LGSN: variants seen among roughly 807,000 people sequenced by gnomAD.
LGSN encodes the protein lengsin.
A neutral mutation model predicts 19.5 loss-of-function variants in LGSN; 21 were observed. The observed-to-expected ratio is 1.07, with a 90% confidence interval of 0.76 to 1.55. The LOEUF (loss-of-function observed/expected upper bound fraction) is 1.55, where lower values mean the gene tolerates loss of function less well. Among genes scored for constraint, LGSN ranks in the 40% most tolerant of loss-of-function variants. LGSN has a pLI of 0.00. For synonymous variants in LGSN, 257 were observed against 215.6 expected (o/e 1.19, Z -1.68); for missense variants, 673 against 608.5 (o/e 1.11, Z -1.12).
intron 3 of LGSN, among the ~76,000 whole-genome samples, chr6:63,283,616 ATCTTT>A: frequency 7.9e-6 from 1 of 126,402 alleles, no homozygotes; most frequent in Non-Finnish European, 1.7e-5. Context: ...GCACAAATGA[ATCTTT>A]TTTTTTTTTT....
the LGSN span, among the ~76,000 whole-genome samples, chr6:63,491,427 A>G: frequency 9.3e-6 from 1 of 108,022 alleles, no homozygotes; most frequent in Non-Finnish European, 1.8e-5. Context: ...AAAACACACC[A>G]AAGCCAAATT....
the LGSN span, among the ~76,000 whole-genome samples, chr6:63,531,400 G>GA: frequency 0.54 from 81,391 of 151,086 alleles, 23,649 homozygotes; most frequent in African/African-American, 0.77. Context: ...TATTTGGAAA[G>GA]AAAAAACATA....
the LGSN span, among the ~76,000 whole-genome samples, chr6:63,473,746 G>A: frequency 3.8e-4 from 56 of 147,378 alleles, 2 homozygotes; most frequent in South Asian, 6.2e-3. Context: ...CCATTTATCC[G>A]CATCTGTATA....
the LGSN span, among the ~76,000 whole-genome samples, chr6:63,519,166 G>T: frequency 6.6e-6 from 1 of 152,118 alleles, no homozygotes; most frequent in African/African-American, 2.4e-5. Context: ...AATTAGCTGG[G>T]CATGATGGTG....
At chr6:63,289,426 G>T (rs1329582263) in intron 2 of LGSN, among the ~76,000 whole-genome samples, 1 of 151,960 alleles carries the variant, frequency 6.6e-6, no homozygotes, top group Non-Finnish European at 1.5e-5. Flanking sequence ...TAAACCTTTT[G>T]GTCAGCCTTT....
At chr6:63,428,992 C>T in the LGSN span, among the ~76,000 whole-genome samples, 2 of 152,104 alleles carry the variant, frequency 1.3e-5, no homozygotes, top group Non-Finnish European at 2.9e-5. Context: ...CCAGCCTGGG[C>T]AGCATAGCAA....
intron 1 of LGSN, 32 bp from the exon 2 acceptor site, chr6:63,295,077 A>G (rs1452480924): frequency 6.3e-7 from 1 of 1,595,530 alleles, no homozygotes. Context: ...AAAGCCAAAT[A>G]ACAGATTATT....
At chr6:63,440,678 G>T in the LGSN span, 1 of 152,180 alleles carries the variant, frequency 6.6e-6, no homozygotes, top group Non-Finnish European at 1.5e-5. Context: ...GTTGGGTGGG[G>T]GCCCGCTGAA....
the LGSN span, among the ~76,000 whole-genome samples, chr6:63,376,650 A>C: frequency 6.6e-6 from 1 of 152,210 alleles, no homozygotes; most frequent in African/African-American, 2.4e-5. Flanking sequence ...ACTGCCTCTT[A>C]CCTGAGCCCA....
At chr6:63,338,255 A>G in the LGSN span, among the ~76,000 whole-genome samples, 447 of 152,296 alleles carry the variant, frequency 2.9e-3, 3 homozygotes, top group African/African-American at 0.01. Context: ...AAATAAATAA[A>G]TAAGAAGCCA....
the LGSN span, among the ~76,000 whole-genome samples, chr6:63,411,862 T>C: frequency 7.4e-3 from 1,123 of 151,966 alleles, 8 homozygotes; most frequent in African/African-American, 0.025. Context: ...AGAAAAAAAA[T>C]TGTGCTAAAA....
At position 63,294,894 on chromosome 6, in the gene LGSN, A is replaced by T; in HGVS notation, c.163+19T>A. 2 of 1,613,078 alleles carry T rather than the reference A, an allele frequency of 1.2e-6. No homozygotes were observed. Among genetic ancestry groups the T allele is most frequent in the Non-Finnish European group, 1.7e-6 (2 of 1,179,302 alleles). On this transcript the variant is annotated intron_variant, in intron 2 of 3. Coordinates refer to ENST00000370657, the MANE Select transcript of LGSN (RefSeq NM_016571.3). Reference sequence around the variant, plus strand: ...GCCTCTGACCACACCATTTTTGAGGACTCAGAGTAGTTAGATACCATTTGA... The same window carrying T: ...GCCTCTGACCACACCATTTTTGAGGTCTCAGAGTAGTTAGATACCATTTGA...
Position 63,280,197 on chromosome 6 carries a change from G to T in LGSN, c.1354C>A (p.Pro452Thr), listed in dbSNP as rs755201172. 44 of 1,614,050 alleles carry T rather than the reference G, an allele frequency of 2.7e-5. No individual in the cohort carries two copies. The highest frequency in any genetic ancestry group is 5.3e-5 in the African/African-American group (4 of 74,924). ...DESTDFYQVE[P>T]SEIPLKLEDA... ...TCTAGTTTTAAAGGGATCTCAGAAG[G>T]TTCCACTTGGTAAAAGTCTGTGCTC... The change falls in exon 4 of 4, where the codon CCT (proline) becomes ACT (threonine). Residue 452 changes from proline to threonine, a missense_variant. Pro to Thr is a conservative substitution (Grantham distance 38, BLOSUM62 -1). Coordinates refer to ENST00000370657, the MANE Select transcript of LGSN (RefSeq NM_016571.3).
At chr6:63,395,327 A>T in the LGSN span, 1 of 152,204 alleles carries the variant, frequency 6.6e-6, no homozygotes, top group Non-Finnish European at 1.5e-5. Context: ...GGAAGACACA[A>T]ATGCAGAGGA....
the LGSN span, among the ~76,000 whole-genome samples, chr6:63,437,529 C>T: frequency 6.6e-6 from 1 of 152,184 alleles, no homozygotes; most frequent in Non-Finnish European, 1.5e-5. Flanking sequence ...AGAAAAGGAA[C>T]TCAAAGCCCT....
chr6:63,556,178 GATTT>G, the LGSN span, among the ~76,000 whole-genome samples: 1 of 151,990 alleles, frequency 6.6e-6, no homozygotes, highest in Non-Finnish European at 1.5e-5. Flanking sequence ...TTTTTACTGT[GATTT>G]ATTTATTTTG....
At chr6:63,386,403 T>TATG in the LGSN span, among the ~76,000 whole-genome samples, 9 of 151,770 alleles carry the variant, frequency 5.9e-5, no homozygotes, top group South Asian at 1.7e-3. Context: ...TTTATTTTAC[T>TATG]ATTATTATTA....
At chr6:63,505,698 C>T in the LGSN span, among the ~76,000 whole-genome samples, 303 of 151,832 alleles carry the variant, frequency 2.0e-3, 5 homozygotes, top group African/African-American at 6.9e-3. Context: ...TTCGCTCTGT[C>T]GCCCAGGCCA....
the LGSN span, among the ~76,000 whole-genome samples, chr6:63,541,177 A>G: frequency 6.6e-6 from 1 of 152,206 alleles, no homozygotes; most frequent in Non-Finnish European, 1.5e-5. Context: ...TAGAAGAGAG[A>G]AAACAATCAA....
Sources: allele counts gnomAD v4.1 joint callset (sites outside exome capture counted in the v4.1 genomes callset), GRCh38; gene constraint gnomAD v4.1.1; transcripts MANE v1.5; gene names NCBI Gene and HGNC (gene_info 2026-07-23, HGNC 2026-07-21).